Variants in DAB1 observed in about 807,000 individuals in gnomAD.
The protein encoded by DAB1 is disabled homolog 1.
A neutral mutation model predicts 64.6 loss-of-function variants in DAB1; 15 were observed. That is an observed-to-expected ratio of 0.23 (90% confidence interval 0.16 to 0.36). The LOEUF is 0.36. Ranked by LOEUF, DAB1 falls within the 10% of genes least tolerant of loss-of-function variation. DAB1 has a pLI of 1.00. For missense variants in DAB1, 596 were observed against 706.7 expected (o/e 0.84, Z 1.78); for synonymous variants, 235 against 251.9 (o/e 0.93, Z 0.64).
At chr1:57,309,956 A>G (rs1332292951) in intron 1 of DAB1, among the ~76,000 whole-genome samples, 1 of 152,166 alleles carries the variant, frequency 6.6e-6, no homozygotes, top group Non-Finnish European at 1.5e-5. Context: ...CACAAACATC[A>G]TCAGGGCAAG....
In DAB1 at chr1:58,032,313, G is replaced by A. The variant is rs527391782; in HGVS notation, n.387+118198C>T. ...CTCACCTTCATAATCCTCAGGCACA[G>A]TGTATGGCACATAACAGGTAATAAA... On this transcript the variant is annotated intron_variant and non_coding_transcript_variant, in intron 5 of 20. Transcript: ENST00000485760. 4.6e-5 allele frequency among the ~76,000 whole-genome samples: 7 copies of A among 152,298 alleles called. No individual in the cohort carries two copies. The East Asian group carries it at 1.4e-3, about 29-fold the overall frequency.
chr1:58,275,488 CAAAT>C (rs1439148009), intron 4 of DAB1, among the ~76,000 whole-genome samples: 1 of 151,932 alleles, frequency 6.6e-6, no homozygotes, highest in East Asian at 1.9e-4. Context: ...AACAAAAAAA[CAAAT>C]AAATTGGCAA....
At chr1:57,144,159 T>A (rs917699539) in intron 3 of DAB1, among the ~76,000 whole-genome samples, 5 of 151,980 alleles carry the variant, frequency 3.3e-5, no homozygotes, top group Admixed American at 1.3e-4. Flanking sequence ...CTTCCTTACA[T>A]TTTTCTGTAT....
intron 7 of DAB1, among the ~76,000 whole-genome samples, chr1:57,552,352 A>T (rs1044741515): frequency 6.6e-6 from 1 of 152,188 alleles, no homozygotes; most frequent in Non-Finnish European, 1.5e-5. Flanking sequence ...ACAGGGCAGG[A>T]TTTCTGCTTT....
chr1:58,466,269 C>G (rs1229457745), intron 3 of DAB1, among the ~76,000 whole-genome samples: 1 of 152,148 alleles, frequency 6.6e-6, no homozygotes, highest in Non-Finnish European at 1.5e-5. Context: ...TAAAACACTT[C>G]CCCCATCCCT....
chr1:57,715,329 A>G (rs1429543613), intron 6 of DAB1, among the ~76,000 whole-genome samples: 3 of 152,226 alleles, frequency 2.0e-5, no homozygotes, highest in Non-Finnish European at 4.4e-5. Flanking sequence ...ATCATAATGA[A>G]CAGGGAAAAG....
At chr1:58,447,243 G>A (rs751771988) in intron 3 of DAB1, among the ~76,000 whole-genome samples, 4 of 152,178 alleles carry the variant, frequency 2.6e-5, no homozygotes, top group Non-Finnish European at 5.9e-5. Context: ...GCAAGGGGTG[G>A]CGGGAATTGC....
Position 57,608,988 on chromosome 1 carries a change from T to A in DAB1, n.625+40604A>T, listed in dbSNP as rs138772661. Among the ~76,000 whole-genome samples the A allele has an allele frequency of 2.8e-3, 427 of 152,332 alleles. 4 individuals carry two copies. The highest frequency in any genetic ancestry group is 9.9e-3 in the African/African-American group (412 of 41,576). ...TTGATAAAATTATGTATCATAAAAATGCAAGTTATAAATATAAATAGCAAT... is the reference window on the plus strand; with the variant it reads ...TTGATAAAATTATGTATCATAAAAAAGCAAGTTATAAATATAAATAGCAAT... On this transcript the variant is annotated intron_variant and non_coding_transcript_variant, in intron 7 of 20. Coordinates refer to the DAB1 transcript ENST00000485760.
At chr1:57,715,641 A>G (rs141708827) in intron 6 of DAB1, among the ~76,000 whole-genome samples, 2 of 152,236 alleles carry the variant, frequency 1.3e-5, no homozygotes, top group East Asian at 3.8e-4. Context: ...CAATATGCCA[A>G]TAATGAACTA....
intron 6 of DAB1, among the ~76,000 whole-genome samples, chr1:57,742,673 G>C (rs979328079): frequency 4.6e-5 from 7 of 152,102 alleles, no homozygotes; most frequent in Admixed American, 3.9e-4. Flanking sequence ...CATTTGATGT[G>C]TTACCCATCA....
chr1:57,474,348 A>G, intron 7 of DAB1, among the ~76,000 whole-genome samples: 1 of 152,208 alleles, frequency 6.6e-6, no homozygotes, highest in Middle Eastern at 3.2e-3. Flanking sequence ...CTTCCATCTT[A>G]CAGCCACGAA....
At chr1:57,176,203 T>C (rs1445474268) in intron 2 of DAB1, among the ~76,000 whole-genome samples, 10 of 152,092 alleles carry the variant, frequency 6.6e-5, no homozygotes, top group Non-Finnish European at 1.5e-5. Context: ...TCCTTCTGTA[T>C]TGTATTAGTC....
intron 4 of DAB1, among the ~76,000 whole-genome samples, chr1:58,326,248 C>T (rs541956334): frequency 1.5e-3 from 236 of 152,304 alleles, no homozygotes; most frequent in Middle Eastern, 3.4e-3. Context: ...ATTCAAGATG[C>T]TCTCTTTCAG....
intron 4 of DAB1, among the ~76,000 whole-genome samples, chr1:57,117,181 GT>G (rs930975067): frequency 1.3e-5 from 2 of 152,060 alleles, no homozygotes; most frequent in Non-Finnish European, 2.9e-5. Context: ...GAAAAGTAGG[GT>G]TTTTTTACAT....
intron 3 of DAB1, among the ~76,000 whole-genome samples, chr1:57,143,079 A>G (rs537248147): frequency 2.0e-5 from 3 of 152,278 alleles, no homozygotes; most frequent in Non-Finnish European, 4.4e-5. Context: ...CTGAACATAC[A>G]AAGATCAGTC....
At chr1:57,190,494 G>C (rs1435645444) in intron 2 of DAB1, among the ~76,000 whole-genome samples, 1 of 145,278 alleles carries the variant, frequency 6.9e-6, no homozygotes, top group Non-Finnish European at 1.5e-5. Flanking sequence ...TCAGAATCCA[G>C]GTTTTCAAGA....
At chr1:57,217,677 T>G (rs751522040) in intron 2 of DAB1, among the ~76,000 whole-genome samples, 2 of 152,126 alleles carry the variant, frequency 1.3e-5, no homozygotes, top group Admixed American at 1.3e-4. Flanking sequence ...CTAAAGCCAA[T>G]AGTCATTTTT....
intron 3 of DAB1, among the ~76,000 whole-genome samples, chr1:58,410,908 G>T (rs1160149746): frequency 6.6e-6 from 1 of 152,170 alleles, no homozygotes; most frequent in Admixed American, 6.5e-5. Context: ...ACATGACACT[G>T]CCAGAGTTAT....
chr1:57,480,538 G>C lies in DAB1; in HGVS notation n.625+169054C>G, dbSNP rs569864590. Among the ~76,000 whole-genome samples the C allele has an allele frequency of 2.0e-5, 3 of 151,470 alleles. No homozygotes were observed. The South Asian group carries it at 6.3e-4, about 32-fold the overall frequency. On this transcript the variant is annotated intron_variant and non_coding_transcript_variant, in intron 7 of 20. Coordinates refer to the DAB1 transcript ENST00000485760. ...CTCGCTCTGTCACCCAGGCTGGAGT[G>C]CAGTAGCTTAATCGTGGCTCACTGC...
Sources: gnomAD v4.1 joint callset for allele counts (sites outside exome capture counted in the v4.1 genomes callset) on GRCh38, gnomAD v4.1.1 for gene constraint, MANE v1.5 for transcripts, NCBI Gene and HGNC (gene_info 2026-07-23, HGNC 2026-07-21) for gene names.